Variants in DYNC1I2 observed in about 807,000 individuals in gnomAD.
DYNC1I2 encodes the protein dynein cytoplasmic 1 intermediate chain 2, also known as cytoplasmic dynein 1 intermediate chain 2.
A neutral mutation model predicts 88.6 loss-of-function variants in DYNC1I2; 53 were observed. The observed-to-expected ratio is 0.60, with a 90% CI of 0.48 to 0.75. The LOEUF (loss-of-function observed/expected upper bound fraction) is 0.75, where lower values mean the gene tolerates loss of function less well. Ranked by LOEUF, DYNC1I2 falls within the 30% of genes least tolerant of loss-of-function variation. The pLI is 0.00. For missense variants in DYNC1I2, 458 were observed against 766.6 expected, an observed-to-expected ratio of 0.60 and a Z score of 4.75; for synonymous variants, 198 against 254.6, an observed-to-expected ratio of 0.78 and a Z score of 2.12.
rs145073964 is a variant in DYNC1I2, at chr2:171,700,124, G to C, written c.227-6423G>C. Among the ~76,000 whole-genome samples, 217 of 152,226 alleles carry C rather than the reference G, an allele frequency of 1.4e-3. 1 individual carries two copies. Among genetic ancestry groups the C allele is most frequent in the African/African-American group, 5.2e-3 (214 of 41,536 alleles). On this transcript the variant is annotated intron_variant, in intron 3 of 17. Coordinates refer to ENST00000397119, the MANE Select transcript of DYNC1I2 (RefSeq NM_001378.3). ...TTAGTGATCTGAAGTCTTGACTGAG[G>C]CTCGAGGACTTGCTTTCATGGTGGT... is the stretch of plus-strand genomic sequence containing the variant.
At chr2:171,690,108 G>C (rs756352854) in intron 1 of DYNC1I2, 39 bp from the exon 2 acceptor site, 1 of 1,337,618 alleles carries the variant, frequency 7.5e-7, no homozygotes, top group South Asian at 1.4e-5. Context: ...TTTTTCAACT[G>C]TGCTGCTTTT....
Position 171,747,772 on chromosome 2 carries a change from A to T in DYNC1I2, c.1804-4A>T. 6.3e-7 allele frequency: 1 copy of T among 1,596,992 alleles called. No homozygotes were observed. Among genetic ancestry groups the T allele is most frequent in the Non-Finnish European group, 8.6e-7 (1 of 1,167,372 alleles). On this transcript the variant is annotated splice_polypyrimidine_tract_variant and splice_region_variant and intron_variant, in intron 17 of 17. Transcript: ENST00000397119. Reference sequence around the variant, plus strand: ...TATATAAAACATTGTCTTTCTTTTAACAGCAGATTGCTGTTCCCCGCAATG... The same window carrying T: ...TATATAAAACATTGTCTTTCTTTTATCAGCAGATTGCTGTTCCCCGCAATG...
At chr2:171,688,199 A>G (rs1685113081) in intron 1 of DYNC1I2, 1 of 152,214 alleles carries the variant, frequency 6.6e-6, no homozygotes, top group Admixed American at 6.5e-5. Context: ...CATTTTACAA[A>G]TTAAGGCCAT....
chr2:171,747,142 C>T (rs965212036), intron 17 of DYNC1I2, among the ~76,000 whole-genome samples: 2 of 145,318 alleles, frequency 1.4e-5, no homozygotes, highest in African/African-American at 5.1e-5. Flanking sequence ...TACAGTGAGC[C>T]AAGATAGTGC....
At chr2:171,717,129 T>G (rs541643034) in intron 7 of DYNC1I2, among the ~76,000 whole-genome samples, 8 of 146,036 alleles carry the variant, frequency 5.5e-5, no homozygotes, top group Non-Finnish European at 1.0e-4. Flanking sequence ...AACATTTTTG[T>G]TCAAGTATTT....
At chr2:171,713,875 C>T (rs1687300164) in intron 6 of DYNC1I2, among the ~76,000 whole-genome samples, 1 of 152,140 alleles carries the variant, frequency 6.6e-6, no homozygotes, top group African/African-American at 2.4e-5. Flanking sequence ...CCCATTGCTT[C>T]CTTATTTTCA....
At chr2:171,699,643 C>CG (rs1559367297) in intron 3 of DYNC1I2, among the ~76,000 whole-genome samples, 1 of 133,552 alleles carries the variant, frequency 7.5e-6, no homozygotes, top group Non-Finnish European at 1.6e-5. Context: ...TGGCGGCGGG[C>CG]GGGGGTGCAG....
At position 171,706,857 on chromosome 2, in the gene DYNC1I2, A is replaced by T. The variant is rs1001849836; in HGVS notation, c.244+293A>T. 2.9e-5 allele frequency: 12 copies of T among 410,374 alleles called. 1 individual carries two copies. The South Asian group carries it at 5.7e-4, about 20-fold the overall frequency. The allele number at this position is 410,374 out of a possible 1,614,324, so 25.4% of individuals were successfully genotyped here. A position where few individuals can be genotyped will look rare whatever the true frequency, so the allele number is the denominator to read the frequency against. ...TAAATCTTGAGAAACTAGAGATTAA[A>T]TAACTTAATGAAACATATTTCAGAG... On this transcript the variant is annotated intron_variant, in intron 4 of 17. Transcript: ENST00000397119.
intron 15 of DYNC1I2, among the ~76,000 whole-genome samples, chr2:171,734,843 A>G (rs1020138818): frequency 6.6e-6 from 1 of 152,226 alleles, no homozygotes; most frequent in Non-Finnish European, 1.5e-5. Flanking sequence ...TAGAGCCTCT[A>G]TGCTGTAATA....
chr2:171,726,741 C>A, intron 10 of DYNC1I2, 50 bp from the exon 11 acceptor site: 1 of 1,595,910 alleles, frequency 6.3e-7, no homozygotes, highest in Non-Finnish European at 8.5e-7. Context: ...GATTATAAAA[C>A]AGTTCTTATT....
chr2:171,702,088 A>G (rs1358433249), intron 3 of DYNC1I2, among the ~76,000 whole-genome samples: 1 of 152,216 alleles, frequency 6.6e-6, no homozygotes, highest in Non-Finnish European at 1.5e-5. Flanking sequence ...GGCATGTGAG[A>G]TTGTGTTTAT....
rs530320679 is a variant in DYNC1I2 at position 171,690,276 on chromosome 2, T to C, written c.108+13T>C. The C allele has an allele frequency of 8.3e-5, 126 of 1,526,870 alleles. No individual in the cohort carries two copies. The Middle Eastern group carries it at 1.0e-3, about 12-fold the overall frequency. The allele number at this position is 1,526,870 out of a possible 1,614,324, so 94.6% of individuals were successfully genotyped here. ...GAAAAAAAAAGAAGTATGTTTGATT[T>C]TTTTGCTTAAATAAACAACATAAAG... On this transcript the variant is annotated intron_variant, in intron 2 of 17. Coordinates refer to ENST00000397119, the MANE Select transcript of DYNC1I2 (RefSeq NM_001378.3).
intron 7 of DYNC1I2, among the ~76,000 whole-genome samples, chr2:171,721,272 T>G (rs186140791): frequency 1.8e-4 from 28 of 152,274 alleles, no homozygotes; most frequent in African/African-American, 6.3e-4. Context: ...AAAAGTCAGC[T>G]GTGTATTTTT....
chr2:171,718,837 G>A (rs562117513), intron 7 of DYNC1I2, among the ~76,000 whole-genome samples: 3 of 152,224 alleles, frequency 2.0e-5, no homozygotes, highest in East Asian at 1.9e-4. Context: ...CTGTAATGCT[G>A]TCACCAAAAC....
At chr2:171,729,558 C>G in intron 14 of DYNC1I2, 151 bp from the exon 15 acceptor site, 1 of 777,724 alleles carries the variant, frequency 1.3e-6, no homozygotes, top group Non-Finnish European at 2.0e-6. Flanking sequence ...TGGAATAACA[C>G]TCAACAAAGT....
chr2:171,729,108 A>AT (rs1160118367), intron 14 of DYNC1I2, among the ~76,000 whole-genome samples: 1 of 152,192 alleles, frequency 6.6e-6, no homozygotes, highest in African/African-American at 2.4e-5. Context: ...AGGCAGGAAC[A>AT]TTCAGTAGTT....
rs543289544 is a variant in DYNC1I2 at position 171,711,838 on chromosome 2, T to C, written c.336-929T>C. Among the ~76,000 whole-genome samples the C allele has an allele frequency of 3.5e-4, 53 of 152,324 alleles. No homozygotes were observed. The South Asian group carries it at 0.011, about 32-fold the overall frequency. The stretch of plus-strand genomic sequence containing the variant: ...TGTCTTACATAAGTGAAAAATATAT[T>C]TGACAAAAATGGTAATACTAAATGT... On this transcript the variant is annotated intron_variant, in intron 5 of 17. Transcript: ENST00000397119.
At chr2:171,727,105 T>C (rs2105691652) in intron 11 of DYNC1I2, among the ~76,000 whole-genome samples, 189 bp downstream of exon 11, 1 of 152,288 alleles carries the variant, frequency 6.6e-6, no homozygotes. Flanking sequence ...GATCTGCCTT[T>C]TGTAGCTTTT....
intron 3 of DYNC1I2, among the ~76,000 whole-genome samples, chr2:171,702,214 T>A (rs1490144053): frequency 6.6e-6 from 1 of 152,352 alleles, no homozygotes; most frequent in Middle Eastern, 3.4e-3. Flanking sequence ...TTTAAGAATT[T>A]AAGTTTCCAA....
Sources: gnomAD v4.1 joint callset for allele counts (sites outside exome capture counted in the v4.1 genomes callset) on GRCh38, gnomAD v4.1.1 for gene constraint, MANE v1.5 for transcripts, NCBI Gene and HGNC (gene_info 2026-07-23, HGNC 2026-07-21) for gene names.